PCDH15: variants seen among roughly 807,000 people sequenced by gnomAD.
PCDH15 encodes protocadherin related 15.
Under a neutral mutation model 178.5 loss-of-function variants are expected in PCDH15, and 129 were observed. The observed-to-expected ratio is 0.72, with a 90% CI of 0.63 to 0.84. The LOEUF is 0.84. PCDH15 is among the 40% of genes least tolerant of loss of function. The pLI, the probability that PCDH15 is intolerant of heterozygous loss-of-function variation, is 0.00. For synonymous variants in PCDH15, 800 were observed against 732.0 expected, an observed-to-expected ratio of 1.09 and a Z score of -1.50; for missense variants, 2,230 against 2,099.9, an observed-to-expected ratio of 1.06 and a Z score of -1.21.
At chr10:55,175,938 C>A (rs1839472319) in intron 1 of PCDH15, among the ~76,000 whole-genome samples, 1 of 151,872 alleles carries the variant, frequency 6.6e-6, no homozygotes, top group Non-Finnish European at 1.5e-5. Flanking sequence ...CCACCTTAAC[C>A]CTCTCCAGTC....
At chr10:54,732,586 T>A (rs1240370367) in intron 1 of PCDH15, among the ~76,000 whole-genome samples, 1 of 151,524 alleles carries the variant, frequency 6.6e-6, no homozygotes. Context: ...CTGGATGGAC[T>A]CACTGGGGAA....
intron 21 of PCDH15, among the ~76,000 whole-genome samples, chr10:53,984,122 C>CT (rs57184119): frequency 0.34 from 38,479 of 112,806 alleles, 7,158 homozygotes; most frequent in East Asian, 0.64. Flanking sequence ...AAGTGCTTTT[C>CT]TTTTTTTTTT....
In PCDH15 at chr10:54,624,003, A is replaced by C. The variant is rs2093466952; in HGVS notation, c.91+40169T>G. On this transcript the variant is annotated intron_variant, in intron 2 of 37. Transcript: ENST00000644397. ...TTAACTGTAGTGATTACAAGGAAAG[A>C]ACAGAGAGTACATGTTTGATACATT... Among the ~76,000 whole-genome samples, 3 of 152,318 alleles carry C rather than the reference A, an allele frequency of 2.0e-5. No homozygotes were observed. The South Asian group carries it at 6.2e-4, about 32-fold the overall frequency.
At chr10:55,553,413 G>C (rs1353716674) in intron 2 of PCDH15, among the ~76,000 whole-genome samples, 1 of 151,628 alleles carries the variant, frequency 6.6e-6, no homozygotes, top group Admixed American at 6.6e-5. Context: ...CTCACTAAAG[G>C]CTTTAAAATA....
intron 3 of PCDH15, among the ~76,000 whole-genome samples, chr10:54,489,688 CCT>C (rs2079408350): frequency 6.6e-6 from 1 of 151,990 alleles, no homozygotes; most frequent in South Asian, 2.1e-4. Context: ...TTATAAATAT[CCT>C]TATACTTATT....
Position 53,855,899 on chromosome 10 carries a change from G to GATATAT in PCDH15, c.3806+1275_3806+1276insATATAT, listed in dbSNP as rs1324732057. On this transcript the variant is annotated intron_variant, in intron 28 of 37. Transcript: ENST00000644397. ...GAACTTAAAAGTTAAAAAAAAAGGT[G>GATATAT]ATATGTATATATATATATATATGTA... Among the ~76,000 whole-genome samples the GATATAT allele has an allele frequency of 8.9e-4, 69 of 77,844 alleles. 3 individuals are homozygous for GATATAT. Among genetic ancestry groups the GATATAT allele is most frequent in the African/African-American group, 4.8e-3 (65 of 13,590 alleles). The allele number at this position is 77,844 out of a possible 152,430, so 51.1% of individuals were successfully genotyped here. A position where few individuals can be genotyped will look rare whatever the true frequency, so the allele number is the denominator to read the frequency against.
At chr10:55,292,190 T>A (rs1190484834) in intron 1 of PCDH15, among the ~76,000 whole-genome samples, 1 of 152,112 alleles carries the variant, frequency 6.6e-6, no homozygotes, top group Non-Finnish European at 1.5e-5. Flanking sequence ...ACAAGGCAAG[T>A]CCCTTCTGCC....
chr10:53,812,432 C>A (rs1359767032), intron 35 of PCDH15, among the ~76,000 whole-genome samples: 1 of 151,846 alleles, frequency 6.6e-6, no homozygotes, highest in Non-Finnish European at 1.5e-5. Flanking sequence ...CCAGGATGTT[C>A]TTGATCTCCT....
chr10:54,127,064 T>A (rs766983052), intron 15 of PCDH15, among the ~76,000 whole-genome samples: 2 of 152,218 alleles, frequency 1.3e-5, no homozygotes, highest in East Asian at 1.9e-4. Flanking sequence ...CATTTTCAGA[T>A]GTAAGTCCAC....
intron 35 of PCDH15, among the ~76,000 whole-genome samples, chr10:53,814,817 AGCTGGG>A: frequency 6.6e-6 from 1 of 152,172 alleles, no homozygotes; most frequent in South Asian, 2.1e-4. Flanking sequence ...TACAAAAATT[AGCTGGG>A]CATGGTGGCA....
intron 23 of PCDH15, among the ~76,000 whole-genome samples, chr10:53,943,369 G>A (rs984832843): frequency 6.6e-5 from 10 of 151,924 alleles, no homozygotes; most frequent in Middle Eastern, 3.4e-3. Context: ...CCAGCTACTC[G>A]GGAGGATGAG....
intron 2 of PCDH15, among the ~76,000 whole-genome samples, chr10:54,976,563 C>A (rs1839077368): frequency 6.6e-6 from 1 of 152,062 alleles, no homozygotes; most frequent in South Asian, 2.1e-4. Flanking sequence ...GCCACAGAAC[C>A]AGTTGAGTCA....
At chr10:53,825,180 G>A (rs1475076519) in intron 32 of PCDH15, 3 of 1,515,882 alleles carry the variant, frequency 2.0e-6, no homozygotes, top group Admixed American at 4.6e-5. Context: ...ACATGTGATA[G>A]AAAAAAAGAA....
chr10:54,217,901 G>A (rs1392843821), intron 9 of PCDH15, among the ~76,000 whole-genome samples: 1 of 152,092 alleles, frequency 6.6e-6, no homozygotes, highest in African/African-American at 2.4e-5. Context: ...AAGTTTTCAA[G>A]AGCCAAAAGG....
chr10:54,707,881 A>G (rs1471625065), intron 1 of PCDH15, among the ~76,000 whole-genome samples: 4 of 152,216 alleles, frequency 2.6e-5, no homozygotes, highest in African/African-American at 9.6e-5. Flanking sequence ...GGAATAAAGG[A>G]CATGATATAA....
chr10:55,047,675 T>C (rs1293828214), intron 2 of PCDH15, among the ~76,000 whole-genome samples: 1 of 151,798 alleles, frequency 6.6e-6, no homozygotes, highest in East Asian at 1.9e-4. Flanking sequence ...GGAGAATGAG[T>C]TGGGGAAGTT....
intron 2 of PCDH15, among the ~76,000 whole-genome samples, chr10:55,065,746 T>A (rs1188251123): frequency 1.3e-5 from 2 of 152,072 alleles, no homozygotes; most frequent in Non-Finnish European, 2.9e-5. Context: ...TTAGAATAGT[T>A]AGACCAGTTT....
intron 1 of PCDH15, among the ~76,000 whole-genome samples, chr10:54,726,016 T>G (rs927623629): frequency 2.0e-5 from 3 of 148,192 alleles, no homozygotes; most frequent in Admixed American, 1.4e-4. Flanking sequence ...CATTCAAACC[T>G]CAGGGCATAG....
At chr10:55,319,082 C>A (rs539500158) in intron 1 of PCDH15, among the ~76,000 whole-genome samples, 2 of 151,826 alleles carry the variant, frequency 1.3e-5, no homozygotes, top group East Asian at 1.9e-4. Flanking sequence ...CAAACACACA[C>A]GATTCCCCTA....
Sources: gnomAD v4.1 joint callset for allele counts (sites outside exome capture counted in the v4.1 genomes callset) on GRCh38, gnomAD v4.1.1 for gene constraint, MANE v1.5 for transcripts, NCBI Gene and HGNC (gene_info 2026-07-23, HGNC 2026-07-21) for gene names.